Variants in AARS1 observed in about 807,000 individuals in gnomAD.
The protein encoded by AARS1 is alanine--tRNA ligase, cytoplasmic.
Under a neutral mutation model 108.9 loss-of-function variants are expected in AARS1, and 72 were observed. That is an observed-to-expected ratio of 0.66 (90% CI 0.55 to 0.80). The LOEUF is 0.80. Ranked by LOEUF, AARS1 falls within the 30% of genes least tolerant of loss-of-function variation. The pLI is 0.00. For missense variants in AARS1, 1,193 were observed against 1,233.2 expected, an observed-to-expected ratio of 0.97 and a Z score of 0.49; for synonymous variants, 489 against 465.7, an observed-to-expected ratio of 1.05 and a Z score of -0.64.
Position 70,258,050 on chromosome 16 carries a change from A to T in AARS1, c.2160T>A (p.Val720=). ...GTACTCACGTTCCCCCACAGAACTC[A>T]ACAGAAGTCAGGGAGCCAGCAGGCC... ...PSGPAGSLTS[V]EFCGGTHLRN... The change falls in exon 15 of 21, where the codon GTT becomes GTA. Residue 720 remains valine, a synonymous_variant. Transcript: ENST00000261772. 1.9e-6 allele frequency: 3 copies of T among 1,614,136 alleles called. No homozygotes were observed. Among genetic ancestry groups the T allele is most frequent in the Non-Finnish European group, 2.5e-6 (3 of 1,180,026 alleles).
At chr16:70,273,863 C>CAAA (rs71385651) in intron 4 of AARS1, among the ~76,000 whole-genome samples, 1,726 of 53,166 alleles carry the variant, frequency 0.032, 14 homozygotes, top group African/African-American at 0.043. Flanking sequence ...ACTCCGTCTC[C>CAAA]AAAAAAAAAA....
At chr16:70,260,088 G>A (rs1960098221) in intron 13 of AARS1, among the ~76,000 whole-genome samples, 1 of 152,156 alleles carries the variant, frequency 6.6e-6, no homozygotes, top group Non-Finnish European at 1.5e-5. Context: ...AGGTTTATTG[G>A]AACACAGCCA....
intron 4 of AARS1, among the ~76,000 whole-genome samples, chr16:70,274,254 T>A (rs1349051251): frequency 6.6e-6 from 1 of 150,998 alleles, no homozygotes; most frequent in South Asian, 2.1e-4. Context: ...GACAGGAGAA[T>A]TGCTTGAATC....
At chr16:70,269,977 A>G (rs1256594778) in intron 6 of AARS1, among the ~76,000 whole-genome samples, 1 of 151,902 alleles carries the variant, frequency 6.6e-6, no homozygotes, top group Non-Finnish European at 1.5e-5. Context: ...AGAGCCTCAC[A>G]TTATTATTTT....
At chr16:70,255,649 A>G (rs192916434) in intron 16 of AARS1, 79 bp downstream of exon 16, 2 of 1,253,942 alleles carry the variant, frequency 1.6e-6, no homozygotes, top group Non-Finnish European at 2.3e-6. Context: ...CACGCAGAGC[A>G]GTGTTTGCTC....
chr16:70,262,995 A>AAAAAC lies in AARS1; in HGVS notation c.1493-472_1493-471insGTTTT, dbSNP rs1174659809. Reference sequence around the variant, plus strand: ...AAAAAAAAAAAAAAAAAAAAAAAAAAAAACAACAACAACAAAGGGCTTCGC... The same window carrying AAAAAC: ...AAAAAAAAAAAAAAAAAAAAAAAAAAAAAACAAACAACAACAACAAAGGGCTTCGC... On this transcript the variant is annotated intron_variant, in intron 11 of 20. Coordinates refer to ENST00000261772, the MANE Select transcript of AARS1 (RefSeq NM_001605.3). Among the ~76,000 whole-genome samples the AAAAAC allele has an allele frequency of 4.8e-4, 62 of 128,754 alleles. 2 individuals carry two copies. Among genetic ancestry groups the AAAAAC allele is most frequent in the Non-Finnish European group, 5.9e-4 (39 of 66,362 alleles). The allele number at this position is 128,754 out of a possible 152,430, so 84.5% of individuals were successfully genotyped here.
At chr16:70,256,242 CTCAGT>C (rs1219638903) in intron 15 of AARS1, among the ~76,000 whole-genome samples, 2 of 152,172 alleles carry the variant, frequency 1.3e-5, no homozygotes, top group African/African-American at 2.4e-5. Flanking sequence ...GGCTTTATTT[CTCAGT>C]TCAGAGAACC....
intron 5 of AARS1, among the ~76,000 whole-genome samples, chr16:70,271,083 G>A (rs1960389287): frequency 6.6e-6 from 1 of 151,974 alleles, no homozygotes; most frequent in African/African-American, 2.4e-5. Flanking sequence ...GCTGAGGCAG[G>A]AGAATCGCTT....
In AARS1 at chr16:70,267,819, G is replaced by C; in HGVS notation, c.1072-10C>G. 6.2e-7 allele frequency: 1 copy of C among 1,614,140 alleles called. No homozygotes were observed. ...CAGGAAATGCATCTCCCTGACAAAG[G>C]GGAAGCAAGATGAGGGGCTGGATGA... On this transcript the variant is annotated splice_polypyrimidine_tract_variant and intron_variant, in intron 8 of 20. Transcript: ENST00000261772.
In AARS1 at chr16:70,255,786, T is replaced by G. The variant is rs1959975762; in HGVS notation, c.2228A>C (p.Glu743Ala). 2 of 1,614,212 alleles carry G rather than the reference T, an allele frequency of 1.2e-6. No individual in the cohort carries two copies. The highest frequency in any genetic ancestry group is 2.2e-5 in the South Asian group (2 of 91,084). ...HAGAFVIVTE[E>A]AIAKGIRRIV... ...CCTCCGGATACCCTTGGCAATGGCT[T>G]CTTCCGTCACGATCACAAAAGCTCC... is the stretch of plus-strand genomic sequence containing the variant. Residue 743 changes from glutamate to alanine, a missense_variant, in exon 16 of 21, where the codon GAA (glutamate) becomes GCA (alanine). Coordinates refer to ENST00000261772, the MANE Select transcript of AARS1 (RefSeq NM_001605.3).
At chr16:70,276,240 A>C in intron 4 of AARS1, 1 of 255,748 alleles carries the variant, frequency 3.9e-6, no homozygotes, top group Non-Finnish European at 7.5e-6. Context: ...AAATAAATAA[A>C]GATATTAATG....
chr16:70,272,021 C>G, intron 4 of AARS1, 49 bp from the exon 5 acceptor site: 1 of 1,575,644 alleles, frequency 6.3e-7, no homozygotes, highest in East Asian at 2.2e-5. Context: ...GACAAGAGTT[C>G]TGCCCAGACT....
rs1000795672 is a variant in AARS1 at position 70,276,287 on chromosome 16, T to A, written c.479+199A>T. On this transcript the variant is annotated intron_variant, in intron 4 of 20. Coordinates refer to ENST00000261772, the MANE Select transcript of AARS1 (RefSeq NM_001605.3). ...AATTACTCTGTCGCCCAGGCTGGAG[T>A]GCAGTGGAGTGATCTCAGGTCACTG... 3 of 567,746 alleles carry A rather than the reference T, an allele frequency of 5.3e-6. No homozygotes were observed. The Admixed American group carries it at 8.7e-5, about 16-fold the overall frequency. 35.2% of individuals were successfully genotyped at this position (567,746 alleles called of 1,614,324 possible).
chr16:70,271,634 A>AAT (rs1960405841), intron 5 of AARS1, 147 bp downstream of exon 5: 1 of 797,474 alleles, frequency 1.3e-6, no homozygotes, highest in East Asian at 2.7e-5. Flanking sequence ...TTCATGAAAG[A>AAT]ATAGGCCCAT....
intron 12 of AARS1, 135 bp from the exon 13 acceptor site, chr16:70,261,292 T>C (rs2152155889): frequency 3.2e-6 from 2 of 621,596 alleles, no homozygotes; most frequent in South Asian, 1.6e-5. Flanking sequence ...ACTCCCTTAA[T>C]ATCATTAAAT....
intron 4 of AARS1, 125 bp from the exon 5 acceptor site, chr16:70,272,097 G>A (rs1010877477): frequency 2.2e-5 from 19 of 848,944 alleles, no homozygotes; most frequent in Non-Finnish European, 3.8e-5. Context: ...CTGCACTCCA[G>A]CCTAGACAAC....
At chr16:70,267,569 G>A in intron 9 of AARS1, 90 bp downstream of exon 9, 3 of 1,503,674 alleles carry the variant, frequency 2.0e-6, no homozygotes, top group Admixed American at 1.7e-5. Flanking sequence ...TCAGAGACAT[G>A]AGAGCCCACA....
intron 4 of AARS1, among the ~76,000 whole-genome samples, chr16:70,275,447 C>A (rs969132583): frequency 2.7e-5 from 4 of 149,984 alleles, no homozygotes; most frequent in African/African-American, 9.9e-5. Flanking sequence ...AACCCAGTCT[C>A]TACTAAAAAA....
intron 2 of AARS1, among the ~76,000 whole-genome samples, chr16:70,277,804 G>C (rs1235716634): frequency 6.7e-6 from 1 of 150,042 alleles, no homozygotes; most frequent in South Asian, 2.1e-4. Context: ...CCAGGCTGGA[G>C]TACAGTGGCA....
Sources: gnomAD v4.1 joint callset for allele counts (sites outside exome capture counted in the v4.1 genomes callset) on GRCh38, gnomAD v4.1.1 for gene constraint, MANE v1.5 for transcripts, NCBI Gene and HGNC (gene_info 2026-07-23, HGNC 2026-07-21) for gene names.